XKR7: variants seen among roughly 807,000 people sequenced by gnomAD.
The protein encoded by XKR7 is XK-related protein 7.
In XKR7, 11 loss-of-function variants were observed where a neutral mutation model predicts 42.2. That is an observed-to-expected ratio of 0.26 (90% CI 0.16 to 0.43). XKR7 has a LOEUF of 0.43. XKR7 is among the 20% of genes least tolerant of loss of function. The pLI, the probability that XKR7 is intolerant of heterozygous loss-of-function variation, is 1.00. For synonymous variants in XKR7, 346 were observed against 366.4 expected, an observed-to-expected ratio of 0.94 and a Z score of 0.64; for missense variants, 710 against 802.2, an observed-to-expected ratio of 0.89 and a Z score of 1.39.
rs1424869909 is a variant in XKR7, at chr20:31,996,887, C to T, written c.1170C>T (p.Ile390=). 4 of 1,613,906 alleles carry T rather than the reference C, an allele frequency of 2.5e-6. No homozygotes were observed. Among genetic ancestry groups the T allele is most frequent in the Admixed American group, 1.7e-5 (1 of 60,026 alleles). ...SRRRMTLYHC[I]VLLENAALTG... ...GCCGCATGACCCTCTACCACTGCATCGTCCTGCTGGAGAACGCCGCGCTCA... is the reference window on the plus strand; with the variant it reads ...GCCGCATGACCCTCTACCACTGCATTGTCCTGCTGGAGAACGCCGCGCTCA... The change falls in exon 3 of 3, where the codon ATC becomes ATT. Residue 390 remains isoleucine, a synonymous_variant. Transcript: ENST00000562532.
At chr20:31,979,190 G>T (rs1376804296) in intron 1 of XKR7, among the ~76,000 whole-genome samples, 1 of 151,474 alleles carries the variant, frequency 6.6e-6, no homozygotes, top group East Asian at 1.9e-4. Flanking sequence ...CTACAAAATG[G>T]AATTATGATT....
chr20:31,997,361 C>G lies in XKR7; in HGVS notation c.1644C>G (p.Ile548Met). The G allele has an allele frequency of 6.2e-7, 1 of 1,603,834 alleles. No homozygotes were observed. Among genetic ancestry groups the G allele is most frequent in the Non-Finnish European group, 8.5e-7 (1 of 1,179,972 alleles). Residue 548 changes from isoleucine to methionine, a missense_variant, in exon 3 of 3, where the codon ATC becomes ATG. By Grantham distance (10) the Ile-to-Met change is conservative. Coordinates refer to ENST00000562532, the MANE Select transcript of XKR7 (RefSeq NM_001011718.2). ...TTGACCGCCGGCTCCGGAAGACCATCCTGGCACTGGAGTACTCCTCACCTG... is the reference window on the plus strand; with the variant it reads ...TTGACCGCCGGCTCCGGAAGACCATGCTGGCACTGGAGTACTCCTCACCTG... ...HFIDRRLRKT[I>M]LALEYSSPAT...
At chr20:31,978,316 C>T (rs1208351370) in intron 1 of XKR7, among the ~76,000 whole-genome samples, 1 of 152,172 alleles carries the variant, frequency 6.6e-6, no homozygotes. Context: ...CACTATATTG[C>T]CCAGGCTGGT....
chr20:31,978,091 T>C (rs1274757713), intron 1 of XKR7, among the ~76,000 whole-genome samples: 5 of 151,850 alleles, frequency 3.3e-5, no homozygotes, highest in Non-Finnish European at 5.9e-5. Flanking sequence ...AGGACTTTTT[T>C]CTCCTACTTT....
In XKR7 at chr20:31,997,227, C is replaced by A. The variant is rs530229497; in HGVS notation, c.1510C>A (p.Arg504=). 1 of 1,611,210 alleles carries A rather than the reference C, an allele frequency of 6.2e-7. No individual in the cohort carries two copies. Among genetic ancestry groups the A allele is most frequent in the South Asian group, 1.1e-5 (1 of 91,048 alleles). Residue 504 remains arginine (R), a synonymous_variant, in exon 3 of 3, where the codon CGG becomes AGG. Coordinates refer to ENST00000562532, the MANE Select transcript of XKR7 (RefSeq NM_001011718.2). ...CCCCACCCCACCTGTCTTCCAGGTG[C>A]GGCCTGGCTTGCCTCCCACACCAGT... is the stretch of plus-strand genomic sequence containing the variant. ...GTPTPPVFQV[R]PGLPPTPVAR... is the part of the protein sequence containing the mutation.
chr20:31,975,922 T>C (rs764879297), intron 1 of XKR7, among the ~76,000 whole-genome samples: 23 of 152,222 alleles, frequency 1.5e-4, no homozygotes, highest in Non-Finnish European at 3.2e-4. Flanking sequence ...TCCTGCCAGG[T>C]AGAGACTGCG....
chr20:31,986,485 CCACTAA>C (rs2064541044), intron 1 of XKR7, among the ~76,000 whole-genome samples: 1 of 133,404 alleles, frequency 7.5e-6, no homozygotes, highest in African/African-American at 2.9e-5. Context: ...GACAGACAGA[CCACTAA>C]ACAGATCCAG....
intron 1 of XKR7, among the ~76,000 whole-genome samples, chr20:31,980,860 G>A (rs191809907): frequency 1.3e-5 from 2 of 151,872 alleles, no homozygotes; most frequent in Admixed American, 6.6e-5. Flanking sequence ...TCAGGAGTTC[G>A]AGACCAGCCT....
In XKR7 at chr20:31,981,705, CAACA is replaced by C. The variant is rs765051918; in HGVS notation, c.584+12957_584+12960del. On this transcript the variant is annotated intron_variant, in intron 1 of 2. Transcript: ENST00000562532. ...AGACTCTGTCTAAAAACAAACAAACCAACAAACAAACAAAGAAAAAACAAAAGAT... is the reference window on the plus strand; with the variant it reads ...AGACTCTGTCTAAAAACAAACAAACCAACAAACAAAGAAAAAACAAAAGAT... Among the ~76,000 whole-genome samples, 13 of 152,210 alleles carry C rather than the reference CAACA, an allele frequency of 8.5e-5. 1 individual carries two copies. In the Middle Eastern group the frequency reaches 0.01, roughly 119 times the overall value.
chr20:31,968,284 G>A lies in XKR7; in HGVS notation c.109G>A (p.Ala37Thr). 4 of 1,192,180 alleles carry A rather than the reference G, an allele frequency of 3.4e-6. No individual in the cohort carries two copies. Among genetic ancestry groups the A allele is most frequent in the Non-Finnish European group, 3.1e-6 (3 of 963,246 alleles). The allele number at this position is 1,192,180 out of a possible 1,614,324, so 73.9% of individuals were successfully genotyped here. A position where few individuals can be genotyped will look rare whatever the true frequency, so the allele number is the denominator to read the frequency against. The change falls in exon 1 of 3, where the codon GCC (alanine) becomes ACC (threonine). Residue 37 changes from alanine (A) to threonine (T), a missense_variant. Around this residue, in one of 2 missense-constraint regions of XKR7, gnomAD observed 708 missense variants for 786.2 expected, o/e 0.90. Transcript: ENST00000562532. This position sits in a 1 kb window ranked among gnomAD's most constrained non-coding sequence, Gnocchi z 4.5. ...CGGGCGCGGGGAGGCGGCGGCGGCGGCCGGGCCCCCGGGGGTCGTCGGGGC... is the reference window on the plus strand; with the variant it reads ...CGGGCGCGGGGAGGCGGCGGCGGCGACCGGGCCCCCGGGGGTCGTCGGGGC... ...AGGRGEAAAAAGPPGVVGAGG... is the reference protein window; with the variant it reads ...AGGRGEAAAATGPPGVVGAGG...
Position 31,996,745 on chromosome 20 carries a change from T to A in XKR7, c.1028T>A (p.Val343Asp), listed in dbSNP as rs1441592662. The change falls in exon 3 of 3, where the codon GTC becomes GAC. Residue 343 changes from valine (V) to aspartate (D), a missense_variant. Physicochemically the swap from Val to Asp is radical, Grantham distance 152. Around this residue, in one of 2 missense-constraint regions of XKR7, gnomAD observed 708 missense variants for 786.2 expected, o/e 0.90. Transcript: ENST00000562532. ...CACTGGTGCGTCATGACCTTCTGGG[T>A]CATCCAAGGGGAGACGGACTTCTGC... ...VAHWCVMTFW[V>D]IQGETDFCMS... The A allele has an allele frequency of 6.2e-7, 1 of 1,613,918 alleles. No homozygotes were observed. Among genetic ancestry groups the A allele is most frequent in the Non-Finnish European group, 8.5e-7 (1 of 1,179,998 alleles).
At chr20:31,973,594 G>A (rs1405975092) in intron 1 of XKR7, among the ~76,000 whole-genome samples, 3 of 152,116 alleles carry the variant, frequency 2.0e-5, no homozygotes, top group Non-Finnish European at 2.9e-5. Flanking sequence ...CAAGGAGGTG[G>A]CATGTGGGCA....
rs780161084 is a variant in XKR7 at position 31,995,317 on chromosome 20, C to A, written c.787+47C>A. The A allele has an allele frequency of 3.8e-5, 58 of 1,531,240 alleles. 1 individual carries two copies. In the African/African-American group the frequency reaches 5.4e-4, roughly 14 times the overall value. 94.9% of individuals were successfully genotyped at this position (1,531,240 alleles called of 1,614,324 possible). On this transcript the variant is annotated intron_variant, in intron 2 of 2. Transcript: ENST00000562532. This position sits in a 1 kb window ranked among gnomAD's most constrained non-coding sequence, Gnocchi z 4.1. ...CTGCGCCTGGGACCACCCCACCGGG[C>A]CTTTCTCCCTGCTTCAGGCTCCCTG...
At chr20:31,977,106 G>A (rs1225629311) in intron 1 of XKR7, among the ~76,000 whole-genome samples, 1 of 152,198 alleles carries the variant, frequency 6.6e-6, no homozygotes, top group East Asian at 1.9e-4. Context: ...CTTTAAAACT[G>A]TCCACGGCCT....
In XKR7 at chr20:31,968,830, G is replaced by A; in HGVS notation, c.584+71G>A. 1.4e-6 allele frequency: 2 copies of A among 1,437,830 alleles called. No homozygotes were observed. Among genetic ancestry groups the A allele is most frequent in the Non-Finnish European group, 1.8e-6 (2 of 1,100,890 alleles). The allele number at this position is 1,437,830 out of a possible 1,614,324, so 89.1% of individuals were successfully genotyped here. The stretch of plus-strand genomic sequence containing the variant: ...TGGCGAAGGGCTACCTGACGTCCCA[G>A]CCCTGATCTGACCTTTCCGGGCTAC... On this transcript the variant is annotated intron_variant, in intron 1 of 2. Transcript: ENST00000562532. The surrounding 1 kb of genome is among the most constrained non-coding windows in gnomAD (Gnocchi z 4.5).
chr20:31,971,082 C>A (rs1445071362), intron 1 of XKR7, among the ~76,000 whole-genome samples: 1 of 152,158 alleles, frequency 6.6e-6, no homozygotes, highest in Non-Finnish European at 1.5e-5. Flanking sequence ...AAGTATGAAT[C>A]TGAGATTCCA....
rs563623166 is a variant in XKR7 at position 31,975,971 on chromosome 20, C to T, written c.584+7212C>T. Among the ~76,000 whole-genome samples, 3 of 152,382 alleles carry T rather than the reference C, an allele frequency of 2.0e-5. No homozygotes were observed. In the South Asian group the frequency reaches 6.2e-4, roughly 32 times the overall value. ...GAACTGTAGACCCAAAACCCTGGCT[C>T]TGCCACATATGAGCTGTGTGGCTTT... On this transcript the variant is annotated intron_variant, in intron 1 of 2. Transcript: ENST00000562532.
chr20:31,977,897 G>T (rs2064492950), intron 1 of XKR7, among the ~76,000 whole-genome samples: 2 of 152,106 alleles, frequency 1.3e-5, no homozygotes, highest in African/African-American at 2.4e-5. Flanking sequence ...GCTGTATCAG[G>T]GACTCTTGCT....
Position 31,995,064 on chromosome 20 carries a change from G to A in XKR7, c.585-4G>A, listed in dbSNP as rs1334174057. On this transcript the variant is annotated splice_polypyrimidine_tract_variant and splice_region_variant and intron_variant, in intron 1 of 2. Coordinates refer to ENST00000562532, the MANE Select transcript of XKR7 (RefSeq NM_001011718.2). This position sits in a 1 kb window ranked among gnomAD's most constrained non-coding sequence, Gnocchi z 4.1. ...GGAGCCTGAGCACCGCGTCCTTCCC[G>A]CAGGTACCTGCGCGCCCTGTACCTG... 1.3e-6 allele frequency: 2 copies of A among 1,542,590 alleles called. No homozygotes were observed. Among genetic ancestry groups the A allele is most frequent in the Admixed American group, 2.0e-5 (1 of 50,414 alleles).
Sources: gnomAD v4.1 joint callset for allele counts (sites outside exome capture counted in the v4.1 genomes callset) on GRCh38, gnomAD v4.1.1 for gene constraint, gnomAD v4.1.1 regional missense constraint, Gnocchi (gnomAD v3.1) non-coding constraint, MANE v1.5 for transcripts, NCBI Gene and HGNC (gene_info 2026-07-23, HGNC 2026-07-21) for gene names.